HAT1: variants seen among roughly 807,000 people sequenced by gnomAD.
HAT1 encodes the protein histone acetyltransferase 1.
A neutral mutation model predicts 56.6 loss-of-function variants in HAT1; 20 were observed. That is an observed-to-expected ratio of 0.35 (90% CI 0.25 to 0.51). The LOEUF (loss-of-function observed/expected upper bound fraction) is 0.51. HAT1 is among the 20% of genes least tolerant of loss of function. HAT1 has a pLI of 0.95. For missense variants in HAT1, 408 were observed against 504.3 expected, an observed-to-expected ratio of 0.81 and a Z score of 1.83; for synonymous variants, 146 against 165.5, an observed-to-expected ratio of 0.88 and a Z score of 0.91.
At position 171,946,794 on chromosome 2, in the gene HAT1, T is replaced by G. The variant is rs1687175729; in HGVS notation, c.188+11T>G. On this transcript the variant is annotated intron_variant, in intron 3 of 10. Coordinates refer to ENST00000264108, the MANE Select transcript of HAT1 (RefSeq NM_003642.4). ...ACTCTTTGGGGATGAGTAAGTAACT[T>G]AGTAAAATATTTGTCAAATTAGTAT... 3 of 1,256,916 alleles carry G rather than the reference T, an allele frequency of 2.4e-6. No individual in the cohort carries two copies. The highest frequency in any genetic ancestry group is 3.4e-6 in the Non-Finnish European group (3 of 888,512). The allele number at this position is 1,256,916 out of a possible 1,614,324, so 77.9% of individuals were successfully genotyped here.
chr2:171,975,429 T>G (rs1003046822), intron 8 of HAT1, among the ~76,000 whole-genome samples: 3 of 152,066 alleles, frequency 2.0e-5, no homozygotes, highest in African/African-American at 7.2e-5. Flanking sequence ...TCTAGAATAG[T>G]TTGTGAAGGA....
chr2:171,940,132 G>A (rs1005903024), intron 2 of HAT1, among the ~76,000 whole-genome samples: 2 of 152,172 alleles, frequency 1.3e-5, no homozygotes, highest in Non-Finnish European at 2.9e-5. Flanking sequence ...CAGCCACTTC[G>A]TCCATGCATA....
At chr2:171,982,638 G>T (rs1053854521) in intron 10 of HAT1, among the ~76,000 whole-genome samples, 1 of 152,142 alleles carries the variant, frequency 6.6e-6, no homozygotes, top group Non-Finnish European at 1.5e-5. Flanking sequence ...TGTATGTCTG[G>T]AACTTAATAA....
At chr2:171,930,817 A>G (rs575751879) in intron 2 of HAT1, among the ~76,000 whole-genome samples, 10 of 150,868 alleles carry the variant, frequency 6.6e-5, no homozygotes, top group African/African-American at 2.2e-4. Context: ...GCCTCACTAT[A>G]TTGCCCATGC....
At chr2:171,953,847 T>G (rs1687374979) in intron 4 of HAT1, among the ~76,000 whole-genome samples, 1 of 151,268 alleles carries the variant, frequency 6.6e-6, no homozygotes, top group African/African-American at 2.4e-5. Flanking sequence ...ATACAAAAAT[T>G]AGCTGGGCGT....
chr2:171,956,593 T>C (rs913660803), intron 4 of HAT1, among the ~76,000 whole-genome samples: 1 of 152,210 alleles, frequency 6.6e-6, no homozygotes, highest in Admixed American at 6.5e-5. Context: ...ATTTGGCAAC[T>C]GGAGAAAAGG....
intron 7 of HAT1, 75 bp downstream of exon 7, chr2:171,966,588 TA>T (rs892972293): frequency 1.5e-5 from 12 of 777,132 alleles, no homozygotes; most frequent in Admixed American, 1.1e-4. Flanking sequence ...ATACTTGTTA[TA>T]ATAGTGTTGA....
At position 171,969,623 on chromosome 2, in the gene HAT1, G is replaced by T. The variant is rs771362752; in HGVS notation, c.823+2674G>T. Among the ~76,000 whole-genome samples the T allele has an allele frequency of 4.1e-4, 63 of 152,168 alleles. 1 individual carries two copies. The highest frequency in any genetic ancestry group is 1.4e-3 in the Admixed American group (22 of 15,272). ...TGGGTGTCGTTTTAAGTTCATTTCA[G>T]ACTGACACTTTCAAAGGGCTTAAAG... On this transcript the variant is annotated intron_variant, in intron 8 of 10. Coordinates refer to ENST00000264108, the MANE Select transcript of HAT1 (RefSeq NM_003642.4).
chr2:171,956,977 A>G (rs914067998), intron 4 of HAT1, among the ~76,000 whole-genome samples: 2 of 152,196 alleles, frequency 1.3e-5, no homozygotes, highest in African/African-American at 4.8e-5. Context: ...TGACTCATGG[A>G]TCTCCTCAGT....
At chr2:171,926,157 A>G (rs1686586497) in intron 2 of HAT1, among the ~76,000 whole-genome samples, 1 of 150,854 alleles carries the variant, frequency 6.6e-6, no homozygotes. Flanking sequence ...TCACTCTATC[A>G]CCCAGGCTGT....
At chr2:171,925,667 T>TTATATACACACACAG in intron 2 of HAT1, 26 bp downstream of exon 2, 1 of 913,228 alleles carries the variant, frequency 1.1e-6, no homozygotes, top group African/African-American at 1.6e-5. Context: ...CTAAGTGATG[T>TTATATACACACACAG]TATGTACATA....
At chr2:171,943,256 G>T (rs891458675) in intron 2 of HAT1, among the ~76,000 whole-genome samples, 1 of 150,716 alleles carries the variant, frequency 6.6e-6, no homozygotes, top group Admixed American at 6.6e-5. Context: ...ACAAAAATTA[G>T]CTGGGCGCTA....
rs561422174 is a variant in HAT1, at chr2:171,956,652, A to G, written c.309+3651A>G. Among the ~76,000 whole-genome samples the G allele has an allele frequency of 2.0e-5, 3 of 152,362 alleles. No individual in the cohort carries two copies. In the South Asian group the frequency reaches 6.2e-4, roughly 32 times the overall value. On this transcript the variant is annotated intron_variant, in intron 4 of 10. Coordinates refer to ENST00000264108, the MANE Select transcript of HAT1 (RefSeq NM_003642.4). ...AAAGCCTAGCTGAGTTATGTCCTGC[A>G]GTTCTGTGGAAAGGAGAACTTACTG...
intron 2 of HAT1, among the ~76,000 whole-genome samples, chr2:171,928,930 A>T (rs914232215): frequency 6.6e-6 from 1 of 152,210 alleles, no homozygotes; most frequent in East Asian, 1.9e-4. Context: ...TTGTGGACAT[A>T]TGATTTTATT....
At chr2:171,963,309 AAACT>A (rs1687615728) in intron 4 of HAT1, among the ~76,000 whole-genome samples, 1 of 151,850 alleles carries the variant, frequency 6.6e-6, no homozygotes, top group Admixed American at 6.6e-5. Flanking sequence ...TACACAAAGC[AAACT>A]ATTTTATTTG....
Position 171,928,398 on chromosome 2 carries a change from A to G in HAT1, c.112+2757A>G, listed in dbSNP as rs566603543. 2.6e-5 allele frequency among the ~76,000 whole-genome samples: 4 copies of G among 152,350 alleles called. No homozygotes were observed. The South Asian group carries it at 8.3e-4, about 32-fold the overall frequency. On this transcript the variant is annotated intron_variant, in intron 2 of 10. Coordinates refer to ENST00000264108, the MANE Select transcript of HAT1 (RefSeq NM_003642.4). ...AGCTTTCTGTGTTCTAGCACTTTAT[A>G]TAAATGGAATTATACCATATATACT... is the stretch of plus-strand genomic sequence containing the variant.
intron 4 of HAT1, among the ~76,000 whole-genome samples, chr2:171,954,946 A>T (rs1322746901): frequency 6.6e-6 from 1 of 152,242 alleles, no homozygotes; most frequent in East Asian, 1.9e-4. Context: ...ACAGAGGCAG[A>T]TGTGATATGG....
intron 4 of HAT1, among the ~76,000 whole-genome samples, chr2:171,962,552 G>A (rs146174609): frequency 3.2e-4 from 48 of 152,078 alleles, no homozygotes; most frequent in African/African-American, 8.5e-4. Flanking sequence ...ACACCACCAC[G>A]CCCAGCTACT....
chr2:171,952,374 A>G (rs1227453033), intron 3 of HAT1, among the ~76,000 whole-genome samples: 3 of 152,234 alleles, frequency 2.0e-5, no homozygotes, highest in African/African-American at 7.2e-5. Context: ...CAGCAGTTCC[A>G]TATCTGCCTT....
Sources: allele counts gnomAD v4.1 joint callset (sites outside exome capture counted in the v4.1 genomes callset), GRCh38; gene constraint gnomAD v4.1.1; transcripts MANE v1.5; gene names NCBI Gene and HGNC (gene_info 2026-07-23, HGNC 2026-07-21).